Variants in HFM1 observed in about 807,000 individuals in gnomAD.
HFM1 encodes helicase for meiosis 1.
Under a neutral mutation model 192.1 loss-of-function variants are expected in HFM1, and 169 were observed. The observed-to-expected ratio is 0.88, with a 90% CI of 0.78 to 1.00. The LOEUF is 1.00. HFM1 is among the 50% of genes least tolerant of loss of function. The probability of loss-of-function intolerance (pLI) is 0.00; values close to 1 mark genes in which losing one functional copy is unlikely to be tolerated. For missense variants in HFM1, 1,661 were observed against 1,668.0 expected (o/e 1.00, Z 0.07); for synonymous variants, 525 against 537.8 (o/e 0.98, Z 0.33).
At chr1:91,304,512 G>A (rs1386683084) in intron 30 of HFM1, among the ~76,000 whole-genome samples, 1 of 152,050 alleles carries the variant, frequency 6.6e-6, no homozygotes, top group Admixed American at 6.6e-5. Context: ...TGTTGCCCAG[G>A]CTGGAGTGCA....
At chr1:91,308,934 T>C (rs1261083622) in intron 30 of HFM1, among the ~76,000 whole-genome samples, 3 of 152,086 alleles carry the variant, frequency 2.0e-5, no homozygotes, top group African/African-American at 7.2e-5. Context: ...CTTTAGTCCT[T>C]AGTGCTTCCA....
chr1:91,395,160 G>C (rs1371897658), intron 3 of HFM1, among the ~76,000 whole-genome samples: 2 of 151,894 alleles, frequency 1.3e-5, no homozygotes, highest in Non-Finnish European at 2.9e-5. Context: ...GCTTGTTTTT[G>C]AGCTTTTTAA....
In HFM1 at chr1:91,273,327, T is replaced by C. The variant is rs112044714; in HGVS notation, c.3772+385A>G. Among the ~76,000 whole-genome samples the C allele has an allele frequency of 7.1e-3, 1,086 of 152,156 alleles. 14 individuals are homozygous for C. The highest frequency in any genetic ancestry group is 0.024 in the African/African-American group (1,011 of 41,548). On this transcript the variant is annotated intron_variant, in intron 34 of 38. Coordinates refer to ENST00000370425, the MANE Select transcript of HFM1 (RefSeq NM_001017975.6). Reference sequence around the variant, plus strand: ...ATTAAATAACTTGCCCAAGGTCACATTGATATTTTGTAAAACTGGACTAGT... The same window carrying C: ...ATTAAATAACTTGCCCAAGGTCACACTGATATTTTGTAAAACTGGACTAGT...
At chr1:91,403,914 T>C (rs891304287) in intron 1 of HFM1, among the ~76,000 whole-genome samples, 3 of 152,238 alleles carry the variant, frequency 2.0e-5, no homozygotes, top group South Asian at 2.1e-4. Flanking sequence ...TATAAACTTA[T>C]TGTATAAAAT....
At chr1:91,290,715 C>T (rs951245930) in intron 30 of HFM1, among the ~76,000 whole-genome samples, 11 of 152,314 alleles carry the variant, frequency 7.2e-5, no homozygotes, top group Admixed American at 2.6e-4. Flanking sequence ...TAGACATCTA[C>T]AGAACTCTCC....
chr1:91,367,065 C>A (rs1476173743), intron 13 of HFM1, among the ~76,000 whole-genome samples: 1 of 152,300 alleles, frequency 6.6e-6, no homozygotes, highest in South Asian at 2.1e-4. Flanking sequence ...GGGGGAGGGG[C>A]ACCCGCCATT....
Position 91,353,110 on chromosome 1 carries a change from T to C in HFM1, c.1772A>G (p.Glu591Gly), listed in dbSNP as rs1180708378. Residue 591 changes from glutamate (E) to glycine (G), a missense_variant, in exon 15 of 39, where the codon GAG becomes GGG. Physicochemically the swap from Glu to Gly is moderately conservative, Grantham distance 98. Coordinates refer to ENST00000370425, the MANE Select transcript of HFM1 (RefSeq NM_001017975.6). ...CTCAACTACTTTTCTATCTGACAGCTCCATACCAGCATGATGATAAGCAGC... is the reference window on the plus strand; with the variant it reads ...CTCAACTACTTTTCTATCTGACAGCCCCATACCAGCATGATGATAAGCAGC... Reference protein sequence around the residue: ...DGAAYHHAGMELSDRKVVEGA... With the variant: ...DGAAYHHAGMGLSDRKVVEGA... 1.9e-6 allele frequency: 3 copies of C among 1,611,306 alleles called. No homozygotes were observed. In the Admixed American group the frequency reaches 5.0e-5, roughly 27 times the overall value.
chr1:91,347,324 C>T, intron 19 of HFM1, 105 bp downstream of exon 19: 2 of 562,656 alleles, frequency 3.6e-6, no homozygotes, highest in South Asian at 3.6e-5. Context: ...AGACAAGTTT[C>T]CTTTTTAAAA....
Position 91,267,772 on chromosome 1 carries a change from T to G in HFM1, c.3856A>C (p.Thr1286Pro), listed in dbSNP as rs538274561. ...GATATTTTTGTCTTCTCAGTATCAGTTGAAAAGCTAGTAACTTCTAAGTTT... is the reference window on the plus strand; with the variant it reads ...GATATTTTTGTCTTCTCAGTATCAGGTGAAAAGCTAGTAACTTCTAAGTTT... ...DENLEVTSFS[T>P]DTEKTKISGF... Residue 1286 changes from threonine (T) to proline (P), a missense_variant, in exon 35 of 39, where the codon ACT becomes CCT. Thr to Pro is a conservative substitution (Grantham distance 38). Transcript: ENST00000370425. 8.4e-5 allele frequency: 131 copies of G among 1,551,502 alleles called. 2 individuals are homozygous for G. In the South Asian group the frequency reaches 1.4e-3, roughly 17 times the overall value.
At chr1:91,387,795 T>C (rs533795266) in intron 4 of HFM1, among the ~76,000 whole-genome samples, 58 of 143,938 alleles carry the variant, frequency 4.0e-4, no homozygotes, top group Non-Finnish European at 7.0e-4. Flanking sequence ...AGGGATAGCA[T>C]TGGGAGATAT....
At chr1:91,312,661 G>A (rs1249949512) in intron 30 of HFM1, among the ~76,000 whole-genome samples, 1 of 152,172 alleles carries the variant, frequency 6.6e-6, no homozygotes, top group African/African-American at 2.4e-5. Context: ...TTGAACTGTG[G>A]ACTTTTGGGT....
At chr1:91,372,743 G>T (rs1216666846) in intron 13 of HFM1, among the ~76,000 whole-genome samples, 1 of 152,000 alleles carries the variant, frequency 6.6e-6, no homozygotes, top group Non-Finnish European at 1.5e-5. Flanking sequence ...ATAAAAAAAA[G>T]AAAATTCATA....
rs971286400 is a variant in HFM1 at position 91,394,324 on chromosome 1, T to C, written c.263A>G (p.Gln88Arg). ...NEDTNYISLT[Q>R]KFQFAFPSDK... ...AGAAGGAAAGGCAAACTGGAATTTT[T>C]GTGTTAGTGAAATATAATTTGTATC... The change falls in exon 4 of 39, where the codon CAA becomes CGA. Residue 88 changes from glutamine (Q) to arginine (R), a missense_variant. Physicochemically the swap from Gln to Arg is conservative, Grantham distance 43. Coordinates refer to ENST00000370425, the MANE Select transcript of HFM1 (RefSeq NM_001017975.6). The C allele has an allele frequency of 4.4e-6, 7 of 1,583,846 alleles. No homozygotes were observed. In the Admixed American group the frequency reaches 1.0e-4, roughly 23 times the overall value.
In HFM1 at chr1:91,262,233, GT is replaced by G; in HGVS notation, c.4238+7del. ...TATAATCTTAAAGTGTCTTTAAAGA[GT>G]TCTTACCTGAAATCAACTTCCTTTT... is the stretch of plus-strand genomic sequence containing the variant. On this transcript the variant is annotated splice_region_variant and intron_variant, in intron 38 of 38. Transcript: ENST00000370425. The G allele has an allele frequency of 7.9e-7, 1 of 1,272,154 alleles. No homozygotes were observed. Among genetic ancestry groups the G allele is most frequent in the East Asian group, 2.3e-5 (1 of 42,592 alleles). The allele number at this position is 1,272,154 out of a possible 1,614,324, so 78.8% of individuals were successfully genotyped here. A position where few individuals can be genotyped will look rare whatever the true frequency, so the allele number is the denominator to read the frequency against.
intron 30 of HFM1, among the ~76,000 whole-genome samples, chr1:91,309,783 A>G (rs112181638): frequency 2.5e-3 from 380 of 152,286 alleles, no homozygotes; most frequent in African/African-American, 8.8e-3. Context: ...TCTGAATTTG[A>G]TAAGTATGAA....
intron 30 of HFM1, among the ~76,000 whole-genome samples, chr1:91,304,654 T>C (rs1649349354): frequency 6.6e-6 from 1 of 151,148 alleles, no homozygotes; most frequent in Non-Finnish European, 1.5e-5. Flanking sequence ...TTTTTTTGTA[T>C]TTTTAGTAGA....
intron 30 of HFM1, among the ~76,000 whole-genome samples, chr1:91,290,904 G>C (rs1668666175): frequency 6.6e-6 from 1 of 152,066 alleles, no homozygotes; most frequent in South Asian, 2.1e-4. Context: ...ATCTCATTCA[G>C]AACCGCTCAA....
chr1:91,300,337 C>T (rs949339630), intron 30 of HFM1, among the ~76,000 whole-genome samples: 3 of 152,174 alleles, frequency 2.0e-5, no homozygotes, highest in African/African-American at 7.2e-5. Context: ...GGATTCACAA[C>T]TGAATTCTAG....
intron 27 of HFM1, 43 bp from the exon 28 acceptor site, chr1:91,316,015 A>T: frequency 6.7e-7 from 1 of 1,498,660 alleles, no homozygotes; most frequent in Non-Finnish European, 9.2e-7. Flanking sequence ...AAATAACCTT[A>T]CTTCTCATAC....
Sources: gnomAD v4.1 joint callset for allele counts (sites outside exome capture counted in the v4.1 genomes callset) on GRCh38, gnomAD v4.1.1 for gene constraint, MANE v1.5 for transcripts, NCBI Gene and HGNC (gene_info 2026-07-23, HGNC 2026-07-21) for gene names.